C9orf72: variants seen among roughly 807,000 people sequenced by gnomAD.
The protein encoded by C9orf72 is guanine nucleotide exchange factor C9orf72.
In C9orf72, 44 loss-of-function variants were observed where a neutral mutation model predicts 51.6. The ratio of observed to expected loss-of-function variants is 0.85; its 90% CI spans 0.67 to 1.10. The LOEUF is 1.10. Among genes scored for constraint, C9orf72 ranks in the 50% least tolerant of loss-of-function variants. The probability of loss-of-function intolerance (pLI) is 0.00; values close to 1 mark genes in which losing one functional copy is unlikely to be tolerated. For missense variants in C9orf72, 607 were observed against 570.6 expected, an observed-to-expected ratio of 1.06 and a Z score of -0.65; for synonymous variants, 213 against 194.2, an observed-to-expected ratio of 1.10 and a Z score of -0.81.
intron 8 of C9orf72, among the ~76,000 whole-genome samples, chr9:27,555,197 A>T (rs2131532835): frequency 6.6e-6 from 1 of 152,350 alleles, no homozygotes; most frequent in South Asian, 2.1e-4. Flanking sequence ...ACTTACTGAC[A>T]TGTAATTTCA....
intron 3 of C9orf72, among the ~76,000 whole-genome samples, 190 bp from the exon 4 acceptor site, chr9:27,562,666 TCTTTC>T (rs1819379076): frequency 6.8e-6 from 1 of 147,986 alleles, no homozygotes; most frequent in Non-Finnish European, 1.5e-5. Context: ...TCACTTTTAT[TCTTTC>T]TTTTCTTTTT....
In C9orf72 at chr9:27,566,750, T is replaced by C; in HGVS notation, c.371A>G (p.Tyr124Cys). 4 of 1,613,872 alleles carry C rather than the reference T, an allele frequency of 2.5e-6. No homozygotes were observed. Among genetic ancestry groups the C allele is most frequent in the African/African-American group, 1.3e-5 (1 of 75,044 alleles). ...IILPQTELSF[Y>C]LPLHRVCVDR... ...AACACACACTCTATGAAGTGGGAGGTAGAAACTAAGTTCTGTCTGTGGAAG... is the reference window on the plus strand; with the variant it reads ...AACACACACTCTATGAAGTGGGAGGCAGAAACTAAGTTCTGTCTGTGGAAG... The change falls in exon 2 of 11, where the codon TAC becomes TGC. Residue 124 changes from tyrosine to cysteine, a missense_variant. Transcript: ENST00000380003.
At chr9:27,558,639 T>C in intron 6 of C9orf72, 32 bp from the exon 7 acceptor site, 2 of 1,206,958 alleles carry the variant, frequency 1.7e-6, no homozygotes, top group South Asian at 1.3e-5. Context: ...CATTAAAACA[T>C]GAAGTAAAAA....
intron 7 of C9orf72, 131 bp downstream of exon 7, chr9:27,558,360 T>C: frequency 1.5e-6 from 1 of 675,834 alleles, no homozygotes; most frequent in Non-Finnish European, 2.6e-6. Context: ...TGCAGAACTG[T>C]GTAAAGGAAG....
chr9:27,558,865 G>A (rs1819272830), intron 6 of C9orf72: 2 of 304,846 alleles, frequency 6.6e-6, no homozygotes, highest in Non-Finnish European at 1.2e-5. Flanking sequence ...TACATACTGT[G>A]ACTCTTCAGG....
intron 1 of C9orf72, among the ~76,000 whole-genome samples, chr9:27,569,308 AGTG>A (rs542997577): frequency 6.8e-4 from 103 of 152,346 alleles, no homozygotes; most frequent in African/African-American, 2.4e-3. Context: ...TATAGTCTAC[AGTG>A]GTGTACAGTG....
At chr9:27,551,741 G>C (rs1167640979) in intron 8 of C9orf72, among the ~76,000 whole-genome samples, 1 of 151,800 alleles carries the variant, frequency 6.6e-6, no homozygotes, top group Non-Finnish European at 1.5e-5. Context: ...ATATTTAATC[G>C]AGTGGACTTA....
chr9:27,548,064 T>G lies in C9orf72; in HGVS notation c.*172A>C. ...GGAAAAGAGACACCCAATGTAATGA[T>G]GCACCTGACATCCCCTCACAGGCTC... On this transcript the variant is annotated 3_prime_UTR_variant, in exon 11 of 11. Transcript: ENST00000380003. 1 of 442,660 alleles carries G rather than the reference T, an allele frequency of 2.3e-6. No homozygotes were observed. Among genetic ancestry groups the G allele is most frequent in the Non-Finnish European group, 4.0e-6 (1 of 250,554 alleles). The allele number at this position is 442,660 out of a possible 1,614,324, so 27.4% of individuals were successfully genotyped here.
Position 27,556,738 on chromosome 9 carries a change from G to A in C9orf72, c.914C>T (p.Thr305Ile). Residue 305 changes from threonine to isoleucine, a missense_variant, in exon 8 of 11, where the codon ACC becomes ATC. Physicochemically the swap from Thr to Ile is moderately conservative, Grantham distance 89. Transcript: ENST00000380003. ...ATTGACATCCACATCTATGTGTGTGGTGGGATATGGAGCATACATGACTTG... is the reference window on the plus strand; with the variant it reads ...ATTGACATCCACATCTATGTGTGTGATGGGATATGGAGCATACATGACTTG... The part of the protein sequence containing the change: ...FRQVMYAPYP[T>I]THIDVDVNTV... 1 of 1,614,028 alleles carries A rather than the reference G, an allele frequency of 6.2e-7. No individual in the cohort carries two copies. The highest frequency in any genetic ancestry group is 1.1e-5 in the South Asian group (1 of 91,086).
chr9:27,569,527 T>A (rs1819541497), intron 1 of C9orf72, among the ~76,000 whole-genome samples: 1 of 152,226 alleles, frequency 6.6e-6, no homozygotes, highest in East Asian at 1.9e-4. Flanking sequence ...TTCAGTACAG[T>A]AACAGTTGTA....
intron 6 of C9orf72, 157 bp downstream of exon 6, chr9:27,560,070 A>T: frequency 4.8e-6 from 2 of 414,596 alleles, no homozygotes; most frequent in Non-Finnish European, 4.5e-6. Context: ...TTTCAAACTC[A>T]CTGTTGCCAC....
Position 27,567,046 on chromosome 9 carries a change from T to C in C9orf72, c.75A>G (p.Leu25=). 6.2e-7 allele frequency: 1 copy of C among 1,614,042 alleles called. No homozygotes were observed. Among genetic ancestry groups the C allele is most frequent in the South Asian group, 1.1e-5 (1 of 91,080 alleles). ...CCCAGTAAGCAAAAGTAGCTGCTAA[T>C]AAAGGTGATTTGCCACTTAAAGCAA... The part of the protein sequence containing the change: ...TEIALSGKSP[L]LAATFAYWDN... The change falls in exon 2 of 11, where the codon TTA becomes TTG. Residue 25 remains leucine (L), a synonymous_variant. Coordinates refer to ENST00000380003, the MANE Select transcript of C9orf72 (RefSeq NM_018325.5).
rs1393236591 is a variant in C9orf72 at position 27,558,565 on chromosome 9, TTC to T, written c.779_780del (p.Arg260LysfsTer7). ...TCTGCTTCACATAACCTGGAGCATT[TTC>T]TCTCTGCTGGAGTCAGAAAAAGGCA... ...TLCLFLTPAE[R>X]KCSRLCEAES... On this transcript the variant is annotated frameshift_variant, in exon 7 of 11. Transcript: ENST00000380003. LOFTEE classifies it high-confidence loss of function. 1 of 1,608,818 alleles carries T rather than the reference TTC, an allele frequency of 6.2e-7. No homozygotes were observed. The highest frequency in any genetic ancestry group is 2.2e-5 in the East Asian group (1 of 44,720).
intron 8 of C9orf72, among the ~76,000 whole-genome samples, chr9:27,551,095 A>G (rs1820896939): frequency 6.6e-6 from 1 of 152,190 alleles, no homozygotes; most frequent in Admixed American, 6.5e-5. Context: ...AAAAAAAACA[A>G]AAAACAAACC....
chr9:27,560,180 T>C, intron 6 of C9orf72, 47 bp downstream of exon 6: 1 of 1,220,276 alleles, frequency 8.2e-7, no homozygotes, highest in Non-Finnish European at 1.2e-6. Context: ...TGATATATCA[T>C]CAGTCTTAAA....
intron 5 of C9orf72, 85 bp from the exon 6 acceptor site, chr9:27,560,384 C>A (rs1819314297): frequency 3.1e-6 from 3 of 970,796 alleles, no homozygotes; most frequent in Admixed American, 5.2e-5. Flanking sequence ...GTGAGCTCTT[C>A]AAATAACTCA....
At chr9:27,562,950 A>T (rs1004771365) in intron 3 of C9orf72, among the ~76,000 whole-genome samples, 13 of 152,134 alleles carry the variant, frequency 8.5e-5, no homozygotes, top group African/African-American at 3.1e-4. Flanking sequence ...GTATGGAATC[A>T]TTGGTTTATC....
At chr9:27,561,318 C>T in intron 5 of C9orf72, 2 of 1,215,558 alleles carry the variant, frequency 1.6e-6, no homozygotes, top group South Asian at 4.1e-5. Context: ...AGAAGTAAAA[C>T]AAGAAACCAG....
intron 4 of C9orf72, 64 bp from the exon 5 acceptor site, chr9:27,561,713 T>A: frequency 9.6e-7 from 1 of 1,044,198 alleles, no homozygotes; most frequent in Non-Finnish European, 1.4e-6. Context: ...ATAACACTTT[T>A]AATATACAAG....
Sources: allele counts gnomAD v4.1 joint callset (sites outside exome capture counted in the v4.1 genomes callset), GRCh38; gene constraint gnomAD v4.1.1; transcripts MANE v1.5; gene names NCBI Gene and HGNC (gene_info 2026-07-23, HGNC 2026-07-21).